Variants in CSMD1 observed in about 807,000 individuals in gnomAD.
CSMD1 encodes the protein CUB and Sushi multiple domains 1.
A neutral mutation model predicts 417.5 loss-of-function variants in CSMD1; 213 were observed. The observed-to-expected ratio is 0.51, with a 90% confidence interval of 0.46 to 0.57. The LOEUF (loss-of-function observed/expected upper bound fraction) is 0.57, where lower values mean the gene tolerates loss of function less well. Ranked by LOEUF, CSMD1 falls within the 20% of genes least tolerant of loss-of-function variation. CSMD1 has a pLI of 0.00. For synonymous variants in CSMD1, 2,862 were observed against 1,736.8 expected (o/e 1.65, Z -16.11); for missense variants, 6,923 against 4,529.7 (o/e 1.53, Z -15.17).
intron 3 of CSMD1, among the ~76,000 whole-genome samples, chr8:4,135,384 G>C (rs546021662): frequency 0.032 from 792 of 25,130 alleles, 9 homozygotes; most frequent in African/African-American, 0.13. Context: ...GTGGGAAAGA[G>C]GGGGAAGGAA....
At chr8:4,332,390 G>C (rs189833477) in intron 3 of CSMD1, among the ~76,000 whole-genome samples, 1 of 152,056 alleles carries the variant, frequency 6.6e-6, no homozygotes. Flanking sequence ...CCTACCATGC[G>C]GCAGGAGGAT....
intron 41 of CSMD1, among the ~76,000 whole-genome samples, chr8:3,124,215 A>C (rs1817368958): frequency 6.6e-6 from 1 of 152,214 alleles, no homozygotes; most frequent in African/African-American, 2.4e-5. Context: ...GAGTGAAATA[A>C]AGATTATTTA....
At chr8:3,285,978 C>CCCCACTT (rs1803123299) in intron 25 of CSMD1, among the ~76,000 whole-genome samples, 2 of 152,226 alleles carry the variant, frequency 1.3e-5, no homozygotes, top group Middle Eastern at 3.4e-3. Context: ...TGCTATCCCT[C>CCCCACTT]CCCACTTCCC....
intron 30 of CSMD1, among the ~76,000 whole-genome samples, chr8:3,206,571 GTGTGTGTGTA>G (rs1277216107): frequency 1.4e-5 from 2 of 144,822 alleles, no homozygotes; most frequent in African/African-American, 5.2e-5. Flanking sequence ...GTGTATGTGT[GTGTGTGTGTA>G]TGTGTGGGGG....
chr8:4,514,463 C>G (rs565803175), intron 2 of CSMD1, among the ~76,000 whole-genome samples: 20 of 152,298 alleles, frequency 1.3e-4, no homozygotes, highest in African/African-American at 4.8e-4. Context: ...TTTTAAGTAG[C>G]ATCCTGATGA....
intron 5 of CSMD1, among the ~76,000 whole-genome samples, chr8:3,925,371 CAATTT>C (rs1386557025): frequency 6.6e-6 from 1 of 152,136 alleles, no homozygotes; most frequent in African/African-American, 2.4e-5. Flanking sequence ...ATTCAAATGA[CAATTT>C]AATATTAAGT....
intron 4 of CSMD1, among the ~76,000 whole-genome samples, chr8:4,021,694 G>A (rs759075221): frequency 6.6e-6 from 1 of 152,130 alleles, no homozygotes; most frequent in Non-Finnish European, 1.5e-5. Flanking sequence ...TGTTCGGAGT[G>A]ACTATTTTTT....
intron 5 of CSMD1, among the ~76,000 whole-genome samples, chr8:3,937,918 T>C (rs1371926412): frequency 1.3e-5 from 2 of 152,308 alleles, no homozygotes; most frequent in East Asian, 1.9e-4. Flanking sequence ...TAAAACTTTA[T>C]TAAACCTCAG....
chr8:3,672,339 C>CT (rs1799116787), intron 7 of CSMD1, among the ~76,000 whole-genome samples: 1 of 129,612 alleles, frequency 7.7e-6, no homozygotes, highest in African/African-American at 3.0e-5. Flanking sequence ...TGACCTTCCC[C>CT]TTTTTCAGTT....
intron 10 of CSMD1, among the ~76,000 whole-genome samples, chr8:3,541,463 A>C (rs1585331390): frequency 6.6e-6 from 1 of 152,094 alleles, no homozygotes; most frequent in African/African-American, 2.4e-5. Context: ...GGTGTAACAA[A>C]CCACCATGGT....
Position 4,112,799 on chromosome 8 carries a change from A to G in CSMD1, c.416-80700T>C, listed in dbSNP as rs369331817. On this transcript the variant is annotated intron_variant, in intron 3 of 69. Transcript: ENST00000635120. ...CTCCAAACGTTAGAATTTTATACACACAGACATAACTTTTGTTTATGGCTC... is the reference window on the plus strand; with the variant it reads ...CTCCAAACGTTAGAATTTTATACACGCAGACATAACTTTTGTTTATGGCTC... Among the ~76,000 whole-genome samples, 7 of 152,304 alleles carry G rather than the reference A, an allele frequency of 4.6e-5. No homozygotes were observed. In the East Asian group the frequency reaches 1.4e-3, roughly 29 times the overall value.
At chr8:3,446,088 G>C (rs1224726245) in intron 12 of CSMD1, among the ~76,000 whole-genome samples, 1 of 152,076 alleles carries the variant, frequency 6.6e-6, no homozygotes, top group African/African-American at 2.4e-5. Context: ...CAGTAAAGTT[G>C]AAATGGACTA....
intron 15 of CSMD1, among the ~76,000 whole-genome samples, chr8:3,401,404 T>G (rs1013945978): frequency 1.3e-5 from 2 of 152,166 alleles, no homozygotes; most frequent in African/African-American, 2.4e-5. Context: ...ACCCATCACT[T>G]TGTAATTTAC....
chr8:3,832,573 T>TA (rs919594661), intron 5 of CSMD1, among the ~76,000 whole-genome samples: 4 of 151,986 alleles, frequency 2.6e-5, no homozygotes, highest in African/African-American at 7.3e-5. Flanking sequence ...TTTCAAGACG[T>TA]AAAAAAACAA....
At chr8:3,758,899 G>A (rs931178) in intron 5 of CSMD1, among the ~76,000 whole-genome samples, 2 of 152,104 alleles carry the variant, frequency 1.3e-5, no homozygotes, top group African/African-American at 4.8e-5. Context: ...GGAAGACAGA[G>A]GCAGGAGGAC....
intron 3 of CSMD1, among the ~76,000 whole-genome samples, chr8:4,162,797 G>C (rs1450035683): frequency 6.6e-6 from 1 of 152,138 alleles, no homozygotes; most frequent in Admixed American, 6.5e-5. Flanking sequence ...TCTTGGTATT[G>C]TACATGCTAT....
chr8:3,317,973 G>C (rs1388070363), intron 23 of CSMD1, among the ~76,000 whole-genome samples: 1 of 152,104 alleles, frequency 6.6e-6, no homozygotes, highest in Non-Finnish European at 1.5e-5. Context: ...ACCATGCCCA[G>C]CTAATATTTG....
At chr8:3,959,738 G>A (rs1012855988) in intron 5 of CSMD1, among the ~76,000 whole-genome samples, 13 of 152,144 alleles carry the variant, frequency 8.5e-5, no homozygotes, top group East Asian at 1.9e-4. Flanking sequence ...ACTGCAGCGG[G>A]AACACACTCA....
rs1802374417 is a variant in CSMD1 at position 3,724,463 on chromosome 8, T to A, written c.932-15972A>T. ...AATTTTCTCTCAATGTAATTCTGAA[T>A]ATATTAAGTATTGGTAGCTATATAA... is the stretch of plus-strand genomic sequence containing the variant. On this transcript the variant is annotated intron_variant, in intron 6 of 69. Coordinates refer to ENST00000635120, the MANE Select transcript of CSMD1 (RefSeq NM_033225.6). Among the ~76,000 whole-genome samples the A allele has an allele frequency of 3.9e-5, 6 of 152,314 alleles. No individual in the cohort carries two copies. In the South Asian group the frequency reaches 1.2e-3, roughly 32 times the overall value.
Sources: allele counts gnomAD v4.1 joint callset (sites outside exome capture counted in the v4.1 genomes callset), GRCh38; gene constraint gnomAD v4.1.1; transcripts MANE v1.5; gene names NCBI Gene and HGNC (gene_info 2026-07-23, HGNC 2026-07-21).